RECQL5: variants seen among roughly 807,000 people sequenced by gnomAD.
RECQL5 encodes the protein ATP-dependent DNA helicase Q5.
Under a neutral mutation model 103.4 loss-of-function variants are expected in RECQL5, and 88 were observed. The observed-to-expected ratio is 0.85, with a 90% CI of 0.72 to 1.02. The LOEUF (loss-of-function observed/expected upper bound fraction) is 1.02, where lower values mean the gene tolerates loss of function less well. Ranked by LOEUF, RECQL5 falls within the 50% of genes least tolerant of loss-of-function variation. The pLI is 0.00. For synonymous variants in RECQL5, 552 were observed against 507.9 expected (o/e 1.09, Z -1.17); for missense variants, 1,232 against 1,284.3 (o/e 0.96, Z 0.62).
rs1599018421 is a variant in RECQL5, at chr17:75,640,446, C to G, written c.1230-8778G>C. On this transcript the variant is annotated intron_variant, in intron 8 of 19. Transcript: ENST00000317905. The surrounding 1 kb of genome is among the most constrained non-coding windows in gnomAD (Gnocchi z 4.6). Reference sequence around the variant, plus strand: ...GTGTCTGCCGGATCAAGGAGGAAAACCAGTTGTCCCTTGGGGGAAGCCAAG... The same window carrying G: ...GTGTCTGCCGGATCAAGGAGGAAAAGCAGTTGTCCCTTGGGGGAAGCCAAG... The G allele has an allele frequency of 1.4e-6, 2 of 1,412,064 alleles. No homozygotes were observed. Among genetic ancestry groups the G allele is most frequent in the East Asian group, 2.5e-5 (1 of 39,460 alleles). The allele number at this position is 1,412,064 out of a possible 1,614,324, so 87.5% of individuals were successfully genotyped here.
At chr17:75,660,673 C>T (rs900391816) in intron 6 of RECQL5, among the ~76,000 whole-genome samples, 1 of 152,222 alleles carries the variant, frequency 6.6e-6, no homozygotes, top group Non-Finnish European at 1.5e-5. Context: ...TAGGATCCAC[C>T]TACTGAGATG....
At chr17:75,628,118 G>T in intron 18 of RECQL5, 100 bp downstream of exon 18, 2 of 1,062,658 alleles carry the variant, frequency 1.9e-6, no homozygotes, top group Non-Finnish European at 1.4e-6. Flanking sequence ...GCTGGCCCTA[G>T]GCCCACTGTG....
intron 8 of RECQL5, among the ~76,000 whole-genome samples, chr17:75,634,896 C>T (rs761108046): frequency 4.6e-5 from 7 of 152,202 alleles, no homozygotes; most frequent in African/African-American, 1.7e-4. Flanking sequence ...CGCTGGCAAC[C>T]GGGACCTCTG....
At position 75,665,138 on chromosome 17, in the gene RECQL5, C is replaced by T. The variant is rs752172617; in HGVS notation, c.165G>A (p.Gly55=). 15 of 1,612,136 alleles carry T rather than the reference C, an allele frequency of 9.3e-6. No individual in the cohort carries two copies. Among genetic ancestry groups the T allele is most frequent in the Non-Finnish European group, 1.3e-5 (15 of 1,179,322 alleles). Residue 55 remains glycine, a synonymous_variant, in exon 3 of 20, where the codon GGG becomes GGA. Transcript: ENST00000317905. ...GCTGATAGCATAGGGATTTTCCTGC[C>T]CCTGTGGGCATGCACACAAAGACGT... The part of the protein sequence containing the change: ...NKDVFVCMPT[G]AGKSLCYQLP...
chr17:75,629,529 G>A lies in RECQL5; in HGVS notation c.1948-54C>T, dbSNP rs1598980196. ...TTCAGCCCACTAGGCCCCCTTGAGG[G>A]CACCGCTGGCTGGAGCAGTAACTCA... On this transcript the variant is annotated intron_variant, in intron 15 of 19. Transcript: ENST00000317905. 2.0e-6 allele frequency: 3 copies of A among 1,498,924 alleles called. No homozygotes were observed. The East Asian group carries it at 6.9e-5, about 35-fold the overall frequency. The allele number at this position is 1,498,924 out of a possible 1,614,324, so 92.9% of individuals were successfully genotyped here.
chr17:75,647,492 T>C, intron 8 of RECQL5: 2 of 1,550,364 alleles, frequency 1.3e-6, no homozygotes, highest in Non-Finnish European at 1.7e-6. Context: ...CTGCTTCTCA[T>C]CTTATTTGCC....
chr17:75,661,597 G>A lies in RECQL5; in HGVS notation c.874+9C>T. On this transcript the variant is annotated intron_variant, in intron 5 of 19. Transcript: ENST00000317905. ...GTGAAGAGACTCAAGTGGCCTGGGT[G>A]CCCCTTACCTGCATGGTAAGCCTTG... is the stretch of plus-strand genomic sequence containing the variant. The A allele has an allele frequency of 1.9e-6, 3 of 1,604,754 alleles. No individual in the cohort carries two copies. The highest frequency in any genetic ancestry group is 2.6e-6 in the Non-Finnish European group (3 of 1,171,720).
chr17:75,630,657 C>T lies in RECQL5; in HGVS notation c.1680G>A (p.Ala560=), dbSNP rs200342105. The stretch of plus-strand genomic sequence containing the variant: ...GTGTTGACTGGCGGTTGCTGCTCAG[C>T]GCCTCCTCCAGAAGCCGCAGGCAGT... The part of the protein sequence containing the change: ...REHCLRLLEE[A]LSSNRQSTRT... The change falls in exon 13 of 20, where the codon GCG becomes GCA. Residue 560 remains alanine, a synonymous_variant. Coordinates refer to ENST00000317905, the MANE Select transcript of RECQL5 (RefSeq NM_004259.7). 960 of 1,613,344 alleles carry T rather than the reference C, an allele frequency of 6.0e-4. 1 individual carries two copies. The highest frequency in any genetic ancestry group is 7.3e-4 in the Non-Finnish European group (857 of 1,179,924).
At position 75,662,979 on chromosome 17, in the gene RECQL5, G is replaced by A; in HGVS notation, c.271C>T (p.Leu91=). The change falls in exon 4 of 20, where the codon CTA becomes TTA. Residue 91 remains leucine, a synonymous_variant. Transcript: ENST00000317905. The part of the protein sequence containing the change: ...ALIQDQVDHL[L]TLKVRVSSLN... ...GAACTTACTCGTACCTTTAGGGTTA[G>A]CAAGTGGTCCACTTGGTCCTAAGAG... The A allele has an allele frequency of 6.2e-7, 1 of 1,606,252 alleles. No homozygotes were observed. Among genetic ancestry groups the A allele is most frequent in the Admixed American group, 1.7e-5 (1 of 59,346 alleles).
chr17:75,664,106 A>T (rs150883771), intron 3 of RECQL5, among the ~76,000 whole-genome samples: 165 of 151,618 alleles, frequency 1.1e-3, no homozygotes, highest in African/African-American at 3.7e-3. Context: ...TAAAGCACTT[A>T]GCACGAAGCC....
At chr17:75,637,053 C>G (rs1296781701) in intron 8 of RECQL5, 1 of 152,320 alleles carries the variant, frequency 6.6e-6, no homozygotes, top group East Asian at 1.9e-4. Context: ...CTGCAGCTCT[C>G]CCACTTTGCA....
chr17:75,662,692 G>A lies in RECQL5; in HGVS notation c.558C>T (p.Ala186=), dbSNP rs146584251. The change falls in exon 4 of 20, where the codon GCC becomes GCT. Residue 186 remains alanine (A), a synonymous_variant. Coordinates refer to ENST00000317905, the MANE Select transcript of RECQL5 (RefSeq NM_004259.7). ...CTGTGGCGGTCAGAGCCACACAAGGGGCATGTCCCAGGCGGGAGCGCAGGG... is the reference window on the plus strand; with the variant it reads ...CTGTGGCGGTCAGAGCCACACAAGGAGCATGTCCCAGGCGGGAGCGCAGGG... ...LGALRSRLGH[A]PCVALTATAT... is the part of the protein sequence containing the mutation. 3.7e-5 allele frequency: 60 copies of A among 1,613,988 alleles called. No homozygotes were observed. The highest frequency in any genetic ancestry group is 4.7e-5 in the Non-Finnish European group (56 of 1,180,058).
chr17:75,665,478 G>T (rs1463392807), intron 2 of RECQL5, among the ~76,000 whole-genome samples: 3 of 152,022 alleles, frequency 2.0e-5, no homozygotes, highest in Admixed American at 6.6e-5. Context: ...GATCACGAGG[G>T]CAAGAGTTTG....
rs2059202727 is a variant in RECQL5 at position 75,631,016 on chromosome 17, G to A, written c.1549-6C>T. 2 of 1,613,616 alleles carry A rather than the reference G, an allele frequency of 1.2e-6. No homozygotes were observed. Among genetic ancestry groups the A allele is most frequent in the African/African-American group, 2.7e-5 (2 of 74,898 alleles). On this transcript the variant is annotated splice_region_variant and splice_polypyrimidine_tract_variant and intron_variant, in intron 10 of 19. Transcript: ENST00000317905. ...TCTATCTTGGGGTCTTTGCCCTGGA[G>A]GACAACATGAAGGACCCATGAGGCG...
Position 75,665,140 on chromosome 17 carries a change from C to T in RECQL5, c.163G>A (p.Gly55Arg). The T allele has an allele frequency of 1.6e-5, 25 of 1,612,404 alleles. No individual in the cohort carries two copies. Among genetic ancestry groups the T allele is most frequent in the Non-Finnish European group, 2.1e-5 (25 of 1,179,438 alleles). The stretch of plus-strand genomic sequence containing the variant: ...TGATAGCATAGGGATTTTCCTGCCC[C>T]TGTGGGCATGCACACAAAGACGTCC... Reference protein sequence around the residue: ...NKDVFVCMPTGAGKSLCYQLP... With the variant: ...NKDVFVCMPTRAGKSLCYQLP... Residue 55 changes from glycine to arginine, a missense_variant, in exon 3 of 20, where the codon GGG becomes AGG. Physicochemically the swap from Gly to Arg is moderately radical, Grantham distance 125 (BLOSUM62 -2). Coordinates refer to ENST00000317905, the MANE Select transcript of RECQL5 (RefSeq NM_004259.7).
At chr17:75,645,585 C>T (rs1382050643) in intron 8 of RECQL5, among the ~76,000 whole-genome samples, 1 of 152,180 alleles carries the variant, frequency 6.6e-6, no homozygotes, top group African/African-American at 2.4e-5. Flanking sequence ...ACTTAACTGA[C>T]GGAGCTGCAC....
intron 8 of RECQL5, chr17:75,638,648 C>G (rs903832371): frequency 6.6e-6 from 1 of 152,352 alleles, no homozygotes; most frequent in Non-Finnish European, 1.5e-5. Context: ...GAGACCCGTC[C>G]CGGGGGGGCA....
intron 8 of RECQL5, chr17:75,650,288 T>C (rs2059538381): frequency 7.9e-6 from 8 of 1,008,314 alleles, no homozygotes; most frequent in South Asian, 4.5e-5. Context: ...GAGAAGAAAA[T>C]AGCTTCAGTC....
chr17:75,633,430 C>T (rs921429257), intron 8 of RECQL5: 2 of 1,288,168 alleles, frequency 1.6e-6, no homozygotes. Flanking sequence ...GCCAGGAGTG[C>T]GGTCACAGCC....
Sources: allele counts gnomAD v4.1 joint callset (sites outside exome capture counted in the v4.1 genomes callset), GRCh38; gene constraint gnomAD v4.1.1; non-coding constraint Gnocchi (gnomAD v3.1); transcripts MANE v1.5; gene names NCBI Gene and HGNC (gene_info 2026-07-23, HGNC 2026-07-21).